FSTL4: variants seen among roughly 807,000 people sequenced by gnomAD.
FSTL4 encodes the protein follistatin-related protein 4.
A neutral mutation model predicts 78.2 loss-of-function variants in FSTL4; 28 were observed. The observed-to-expected ratio is 0.36, with a 90% CI of 0.27 to 0.49. FSTL4 has a LOEUF of 0.49. FSTL4 is among the 20% of genes least tolerant of loss of function. FSTL4 has a pLI of 0.98. For missense variants in FSTL4, 922 were observed against 1,084.9 expected, an observed-to-expected ratio of 0.85 and a Z score of 2.11; for synonymous variants, 422 against 440.5, an observed-to-expected ratio of 0.96 and a Z score of 0.53.
intron 3 of FSTL4, among the ~76,000 whole-genome samples, chr5:133,419,312 G>T (rs1437475208): frequency 7.2e-5 from 11 of 152,020 alleles, no homozygotes; most frequent in Admixed American, 6.6e-4. Flanking sequence ...TAGAGACAGG[G>T]TTTCACCACA....
chr5:133,703,044 T>C, the FSTL4 span, among the ~76,000 whole-genome samples: 1 of 152,212 alleles, frequency 6.6e-6, no homozygotes, highest in Non-Finnish European at 1.5e-5. Context: ...TGTCACCTAC[T>C]GTGGGGAGCA....
chr5:133,408,566 C>A, intron 3 of FSTL4, among the ~76,000 whole-genome samples: 1 of 16,012 alleles, frequency 6.2e-5, no homozygotes, highest in East Asian at 1.2e-3. Context: ...TTCACTGAGG[C>A]GGGGGTGGAG....
rs191158104 is a variant in FSTL4, at chr5:133,236,614, G to A, written c.895-3077C>T. Among the ~76,000 whole-genome samples the A allele has an allele frequency of 4.1e-3, 621 of 152,268 alleles. 3 individuals are homozygous for A. The highest frequency in any genetic ancestry group is 0.014 in the African/African-American group (580 of 41,556). On this transcript the variant is annotated intron_variant, in intron 7 of 15. Transcript: ENST00000265342. This position sits in a 1 kb window ranked among gnomAD's most constrained non-coding sequence, Gnocchi z 5.0. ...CCCCGGCTTCCGGCCCACAGACTCT[G>A]CCCTGAGCCAGCCACATCACGCCCC...
chr5:133,772,661 T>A, the FSTL4 span, among the ~76,000 whole-genome samples: 1 of 152,144 alleles, frequency 6.6e-6, no homozygotes, highest in Non-Finnish European at 1.5e-5. Flanking sequence ...AGAACACATG[T>A]GCACGAGAGA....
chr5:133,244,093 GC>G (rs1159987162), intron 7 of FSTL4: 1 of 152,670 alleles, frequency 6.6e-6, no homozygotes, highest in Non-Finnish European at 1.5e-5. Context: ...TAGAATGGGG[GC>G]CAGAGTAGGG....
At chr5:133,220,126 T>C (rs561190665) in intron 12 of FSTL4, among the ~76,000 whole-genome samples, 1 of 152,366 alleles carries the variant, frequency 6.6e-6, no homozygotes, top group East Asian at 1.9e-4. Flanking sequence ...AGTTATTTCA[T>C]TCTGTACAAC....
intron 4 of FSTL4, among the ~76,000 whole-genome samples, chr5:133,369,833 G>A (rs1755254126): frequency 6.6e-6 from 1 of 152,146 alleles, no homozygotes; most frequent in African/African-American, 2.4e-5. Flanking sequence ...AACCCATTAG[G>A]CACCCCACTC....
At chr5:133,313,390 C>T (rs554152409) in intron 5 of FSTL4, among the ~76,000 whole-genome samples, 2 of 152,222 alleles carry the variant, frequency 1.3e-5, no homozygotes, top group South Asian at 2.1e-4. Flanking sequence ...GACTCTGGCA[C>T]GGAGGCTACA....
intron 4 of FSTL4, among the ~76,000 whole-genome samples, chr5:133,328,659 C>G (rs200692478): frequency 1.3e-5 from 2 of 152,256 alleles, no homozygotes; most frequent in East Asian, 3.9e-4. Context: ...TTATGAACTC[C>G]GGCTCCCCCT....
the FSTL4 span, among the ~76,000 whole-genome samples, chr5:133,748,842 CAGAA>C: frequency 3.7e-3 from 561 of 152,196 alleles, 5 homozygotes; most frequent in African/African-American, 0.013. Flanking sequence ...GAAGAGAAGG[CAGAA>C]AGAGAGAGAG....
At chr5:133,787,379 G>A in the FSTL4 span, among the ~76,000 whole-genome samples, 3 of 152,290 alleles carry the variant, frequency 2.0e-5, no homozygotes, top group South Asian at 6.2e-4. Flanking sequence ...TAAAGGAGAT[G>A]GACACCAGCA....
At chr5:133,620,802 T>A in the FSTL4 span, among the ~76,000 whole-genome samples, 1 of 152,126 alleles carries the variant, frequency 6.6e-6, no homozygotes, top group Non-Finnish European at 1.5e-5. Flanking sequence ...AAAACTGTGG[T>A]GATCAGGGAA....
intron 6 of FSTL4, among the ~76,000 whole-genome samples, chr5:133,253,298 C>A (rs1238799519): frequency 6.6e-6 from 1 of 152,326 alleles, no homozygotes; most frequent in East Asian, 1.9e-4. Flanking sequence ...ATGTGCTAGG[C>A]CCCGAGTGAG....
At chr5:133,442,553 A>G (rs1757182733) in intron 3 of FSTL4, among the ~76,000 whole-genome samples, 1 of 152,266 alleles carries the variant, frequency 6.6e-6, no homozygotes, top group African/African-American at 2.4e-5. Context: ...AGTCAATAAA[A>G]GCATGTTCAG....
chr5:133,787,390 C>T, the FSTL4 span, among the ~76,000 whole-genome samples: 1 of 152,166 alleles, frequency 6.6e-6, no homozygotes, highest in Non-Finnish European at 1.5e-5. Context: ...GACACCAGCA[C>T]AAGGGACAAA....
intron 13 of FSTL4, among the ~76,000 whole-genome samples, chr5:133,212,721 AT>A (rs774676176): frequency 6.6e-6 from 1 of 152,074 alleles, no homozygotes; most frequent in Non-Finnish European, 1.5e-5. Context: ...AGTGGCTGAC[AT>A]TTTTTTTCAA....
At chr5:133,641,176 T>C in the FSTL4 span, among the ~76,000 whole-genome samples, 2 of 152,100 alleles carry the variant, frequency 1.3e-5, no homozygotes. Context: ...CTCATGGGAA[T>C]GTCACAAATA....
At chr5:133,559,132 G>A (rs1580788511) in intron 3 of FSTL4, among the ~76,000 whole-genome samples, 1 of 152,168 alleles carries the variant, frequency 6.6e-6, no homozygotes, top group South Asian at 2.1e-4. Context: ...CCTGTACTTC[G>A]TTTCCTAATA....
At chr5:133,387,082 T>C (rs1007637956) in intron 4 of FSTL4, among the ~76,000 whole-genome samples, 4 of 152,188 alleles carry the variant, frequency 2.6e-5, no homozygotes, top group African/African-American at 9.6e-5. Context: ...AATGCAGCCA[T>C]AACATCAGCA....
Sources: allele counts gnomAD v4.1 joint callset (sites outside exome capture counted in the v4.1 genomes callset), GRCh38; gene constraint gnomAD v4.1.1; non-coding constraint Gnocchi (gnomAD v3.1); transcripts MANE v1.5; gene names NCBI Gene and HGNC (gene_info 2026-07-23, HGNC 2026-07-21).